CNNM4: variants seen among roughly 807,000 people sequenced by gnomAD.
CNNM4 encodes metal transporter CNNM4.
In CNNM4, 32 loss-of-function variants were observed where a neutral mutation model predicts 53.7. The observed-to-expected ratio is 0.60, with a 90% CI of 0.45 to 0.80. CNNM4 has a LOEUF of 0.80. Among genes scored for constraint, CNNM4 ranks in the 30% least tolerant of loss-of-function variants. The pLI is 0.00. For synonymous variants in CNNM4, 410 were observed against 440.0 expected, an observed-to-expected ratio of 0.93 and a Z score of 0.85; for missense variants, 784 against 1,022.0, an observed-to-expected ratio of 0.77 and a Z score of 3.17.
At chr2:96,787,304 A>G (rs908960251) in intron 1 of CNNM4, among the ~76,000 whole-genome samples, 4 of 152,242 alleles carry the variant, frequency 2.6e-5, no homozygotes, top group East Asian at 1.9e-4. Flanking sequence ...GAGAGTACCA[A>G]TCTCTGAAAT....
In CNNM4 at chr2:96,799,242, C is replaced by T. The variant is rs369456301; in HGVS notation, c.1851+16C>T. ...CATCCTGCAGGTGAGCCCGCTCAGC[C>T]CTGGGCCTGCCACCTGCTCCCCCTG... On this transcript the variant is annotated intron_variant, in intron 4 of 6. Transcript: ENST00000377075. 15 of 1,613,966 alleles carry T rather than the reference C, an allele frequency of 9.3e-6. No individual in the cohort carries two copies. The Middle Eastern group carries it at 1.3e-3, about 142-fold the overall frequency.
At chr2:96,765,028 T>TG (rs2078802421) in intron 1 of CNNM4, among the ~76,000 whole-genome samples, 5 of 43,008 alleles carry the variant, frequency 1.2e-4, no homozygotes, top group African/African-American at 7.7e-4. Context: ...GGAATGGTTT[T>TG]TTTTTTTTTT....
At position 96,797,667 on chromosome 2, in the gene CNNM4, C is replaced by A; in HGVS notation, c.1681+20C>A. On this transcript the variant is annotated intron_variant, in intron 3 of 6. Coordinates refer to ENST00000377075, the MANE Select transcript of CNNM4 (RefSeq NM_020184.4). The surrounding 1 kb of genome is among the most constrained non-coding windows in gnomAD (Gnocchi z 6.0). ...CCACAGGTAGCATGAGGAGGACCTTCCGGTCTTGGTGGAAATACGGTCACG... is the reference window on the plus strand; with the variant it reads ...CCACAGGTAGCATGAGGAGGACCTTACGGTCTTGGTGGAAATACGGTCACG... 1 of 1,613,362 alleles carries A rather than the reference C, an allele frequency of 6.2e-7. No homozygotes were observed. The highest frequency in any genetic ancestry group is 1.1e-5 in the South Asian group (1 of 91,078).
chr2:96,762,934 G>A (rs1432552941), intron 1 of CNNM4, among the ~76,000 whole-genome samples: 1 of 152,132 alleles, frequency 6.6e-6, no homozygotes. Context: ...TAGTGGCTCT[G>A]ATGCTTAGTG....
At chr2:96,782,411 C>T (rs1359800950) in intron 1 of CNNM4, among the ~76,000 whole-genome samples, 5 of 81,156 alleles carry the variant, frequency 6.2e-5, no homozygotes, top group Admixed American at 2.9e-4. Flanking sequence ...GACATTGTCT[C>T]AAAAAAAAAA....
At chr2:96,803,296 A>C (rs1188078615) in intron 5 of CNNM4, among the ~76,000 whole-genome samples, 1 of 152,142 alleles carries the variant, frequency 6.6e-6, no homozygotes, top group Non-Finnish European at 1.5e-5. Context: ...TTTACGCTTT[A>C]TGCATATTCA....
chr2:96,776,106 A>G (rs1486608988), intron 1 of CNNM4, among the ~76,000 whole-genome samples: 2 of 130,590 alleles, frequency 1.5e-5, no homozygotes, highest in African/African-American at 6.0e-5. Context: ...TCAGCTCACC[A>G]CAACCTCCAC....
At chr2:96,795,294 C>T (rs1305518239) in intron 1 of CNNM4, among the ~76,000 whole-genome samples, 8 of 152,232 alleles carry the variant, frequency 5.3e-5, no homozygotes, top group Non-Finnish European at 8.8e-5. Flanking sequence ...GGCCCGCTGC[C>T]GCCCTGCTGG....
chr2:96,805,418 G>GTTTTTTTTTTTTTTTTTTTTTTTTT (rs898761608), intron 5 of CNNM4, among the ~76,000 whole-genome samples: 1 of 76,156 alleles, frequency 1.3e-5, no homozygotes, highest in African/African-American at 4.9e-5. Context: ...CTTCTTTTCA[G>GTTTTTTTTTTTTTTTTTTTTTTTTT]TTTTTTTTTT....
rs757082879 is a variant in CNNM4, at chr2:96,809,300, C to T, written c.2131-20C>T. The stretch of plus-strand genomic sequence containing the variant: ...GCCTCCCAGCCCCTCCCTCCATGAA[C>T]TCATCCCTTCCTCATGCAGATCACT... On this transcript the variant is annotated intron_variant, in intron 6 of 6. Coordinates refer to ENST00000377075, the MANE Select transcript of CNNM4 (RefSeq NM_020184.4). 1.9e-6 allele frequency: 3 copies of T among 1,613,944 alleles called. No homozygotes were observed. Among genetic ancestry groups the T allele is most frequent in the Non-Finnish European group, 2.5e-6 (3 of 1,179,958 alleles).
chr2:96,788,874 G>A (rs1353182118), intron 1 of CNNM4: 1 of 152,278 alleles, frequency 6.6e-6, no homozygotes, highest in Non-Finnish European at 1.5e-5. Context: ...TTTTCCCCAT[G>A]AGAAAAAGCA....
intron 1 of CNNM4, among the ~76,000 whole-genome samples, chr2:96,784,603 G>A (rs934878368): frequency 6.6e-6 from 1 of 152,226 alleles, no homozygotes; most frequent in African/African-American, 2.4e-5. Flanking sequence ...CCCATCATCA[G>A]TTTGTCAATA....
intron 1 of CNNM4, among the ~76,000 whole-genome samples, chr2:96,779,794 C>CA (rs2078957690): frequency 6.6e-6 from 1 of 151,440 alleles, no homozygotes. Context: ...CAGATCAACT[C>CA]AAAGACTTGA....
rs1177913625 is a variant in CNNM4, at chr2:96,761,095, G to T, written c.96G>T (p.Ala32=). ...CGGTGCTGCTGGTGCTGCTGTGGGC[G>T]CTGGGGGCCCGGGGCCAGGGCAGCC... ...AAPVLLVLLW[A]LGARGQGSPQ... is the part of the protein sequence containing the mutation. The change falls in exon 1 of 7, where the codon GCG becomes GCT. Residue 32 remains alanine, a synonymous_variant. Transcript: ENST00000377075. This position sits in a 1 kb window ranked among gnomAD's most constrained non-coding sequence, Gnocchi z 6.0. 2.6e-6 allele frequency: 4 copies of T among 1,526,426 alleles called. No individual in the cohort carries two copies. Among genetic ancestry groups the T allele is most frequent in the South Asian group, 1.3e-5 (1 of 78,688 alleles). The allele number at this position is 1,526,426 out of a possible 1,614,324, so 94.6% of individuals were successfully genotyped here. A position where few individuals can be genotyped will look rare whatever the true frequency, so the allele number is the denominator to read the frequency against.
In CNNM4 at chr2:96,798,276, C is replaced by A. The variant is rs181788788; in HGVS notation, c.1681+629C>A. On this transcript the variant is annotated intron_variant, in intron 3 of 6. Transcript: ENST00000377075. ...ATAACCACTGAGGTGGGCCCCTAGG[C>A]TGGCCAGGCCCATCAGGGCTTGTGG... The A allele has an allele frequency of 4.0e-3, 673 of 168,608 alleles. 4 individuals carry two copies. Among genetic ancestry groups the A allele is most frequent in the Non-Finnish European group, 5.1e-3 (385 of 76,118 alleles). 10.4% of individuals were successfully genotyped at this position (168,608 alleles called of 1,614,324 possible).
At chr2:96,764,955 C>T (rs1023943876) in intron 1 of CNNM4, among the ~76,000 whole-genome samples, 4 of 147,124 alleles carry the variant, frequency 2.7e-5, no homozygotes, top group African/African-American at 1.0e-4. Flanking sequence ...CCACTGCACT[C>T]CAGCTTGGGC....
chr2:96,809,483 T>C lies in CNNM4; in HGVS notation c.2294T>C (p.Leu765Ser). 1 of 1,614,196 alleles carries C rather than the reference T, an allele frequency of 6.2e-7. No individual in the cohort carries two copies. The highest frequency in any genetic ancestry group is 2.2e-5 in the East Asian group (1 of 44,886). Residue 765 changes from leucine (L) to serine (S), a missense_variant, in exon 7 of 7, where the codon TTG (leucine) becomes TCG (serine). Leu to Ser is a moderately radical substitution (Grantham distance 145, BLOSUM62 -2). Coordinates refer to ENST00000377075, the MANE Select transcript of CNNM4 (RefSeq NM_020184.4). The stretch of plus-strand genomic sequence containing the variant: ...ACTCTTCTCAACGAGCGTAACTCCT[T>C]GCTGCACAAAGCCTCCCACGAGAAT... ...TTTLLNERNS[L>S]LHKASHENAI
chr2:96,764,833 A>G (rs1164859480), intron 1 of CNNM4, among the ~76,000 whole-genome samples: 1 of 151,850 alleles, frequency 6.6e-6, no homozygotes, highest in African/African-American at 2.4e-5. Flanking sequence ...TAAAAATACA[A>G]AAAATTATCC....
At chr2:96,805,112 G>A (rs865858658) in intron 5 of CNNM4, among the ~76,000 whole-genome samples, 6 of 152,036 alleles carry the variant, frequency 3.9e-5, no homozygotes, top group South Asian at 4.1e-4. Flanking sequence ...CATTCAGATA[G>A]CTATGTGAAG....
Sources: allele counts gnomAD v4.1 joint callset (sites outside exome capture counted in the v4.1 genomes callset), GRCh38; gene constraint gnomAD v4.1.1; non-coding constraint Gnocchi (gnomAD v3.1); transcripts MANE v1.5; gene names NCBI Gene and HGNC (gene_info 2026-07-23, HGNC 2026-07-21).